Variants in KCNH8 observed in about 807,000 individuals in gnomAD.
The protein encoded by KCNH8 is voltage-gated delayed rectifier potassium channel KCNH8.
KCNH8 carries 70 observed loss-of-function variants against 103.6 expected under a neutral mutation model. The observed-to-expected ratio is 0.68, with a 90% confidence interval of 0.56 to 0.82. The LOEUF (loss-of-function observed/expected upper bound fraction) is 0.82, where lower values mean the gene tolerates loss of function less well. Among genes scored for constraint, KCNH8 ranks in the 40% least tolerant of loss-of-function variants. The pLI is 0.00. For synonymous variants in KCNH8, 498 were observed against 489.4 expected (o/e 1.02, Z -0.23); for missense variants, 1,217 against 1,329.9 (o/e 0.92, Z 1.32).
intron 7 of KCNH8, among the ~76,000 whole-genome samples, chr3:19,404,092 G>T (rs1265523719): frequency 2.6e-5 from 4 of 151,884 alleles, no homozygotes; most frequent in African/African-American, 9.7e-5. Context: ...CAGTTTTATA[G>T]AACTTTAATT....
At chr3:19,295,045 A>T (rs1199069370) in intron 3 of KCNH8, among the ~76,000 whole-genome samples, 1 of 152,084 alleles carries the variant, frequency 6.6e-6, no homozygotes, top group Non-Finnish European at 1.5e-5. Flanking sequence ...ATATTAAAAA[A>T]CTTTTTGCAA....
chr3:19,507,911 T>G (rs980339474), intron 11 of KCNH8, among the ~76,000 whole-genome samples: 1 of 152,182 alleles, frequency 6.6e-6, no homozygotes, highest in African/African-American at 2.4e-5. Flanking sequence ...AAAAGATGGC[T>G]CTTACTATTT....
At chr3:19,231,225 A>G (rs1157906764) in intron 1 of KCNH8, among the ~76,000 whole-genome samples, 1 of 152,142 alleles carries the variant, frequency 6.6e-6, no homozygotes, top group South Asian at 2.1e-4. Context: ...CTATACTTCT[A>G]TGATAACACT....
At chr3:19,470,032 T>C (rs1161593079) in intron 11 of KCNH8, among the ~76,000 whole-genome samples, 1 of 152,136 alleles carries the variant, frequency 6.6e-6, no homozygotes, top group Non-Finnish European at 1.5e-5. Flanking sequence ...CAAAGGAAAG[T>C]AGTTACTTTC....
intron 3 of KCNH8, among the ~76,000 whole-genome samples, chr3:19,289,900 T>G (rs1402285267): frequency 6.6e-6 from 1 of 152,182 alleles, no homozygotes; most frequent in Non-Finnish European, 1.5e-5. Flanking sequence ...CTTCCATTTG[T>G]TTGTATCCTC....
At chr3:19,290,757 CT>C (rs2064908781) in intron 3 of KCNH8, among the ~76,000 whole-genome samples, 1 of 152,160 alleles carries the variant, frequency 6.6e-6, no homozygotes, top group African/African-American at 2.4e-5. Flanking sequence ...TGATGCTGGC[CT>C]CATAAAATGA....
At chr3:19,411,763 CCACACACACACAGACACACACACA>C (rs1352859167) in intron 7 of KCNH8, among the ~76,000 whole-genome samples, 1 of 150,184 alleles carries the variant, frequency 6.7e-6, no homozygotes, top group African/African-American at 2.5e-5. Context: ...TTAACCGTAG[CCACACACACACAGACACACACACA>C]CACACACACA....
At chr3:19,317,950 A>C (rs2065296003) in intron 3 of KCNH8, among the ~76,000 whole-genome samples, 1 of 152,016 alleles carries the variant, frequency 6.6e-6, no homozygotes, top group East Asian at 1.9e-4. Flanking sequence ...AATCCTGTTC[A>C]ACACAGTATT....
intron 5 of KCNH8, among the ~76,000 whole-genome samples, chr3:19,382,504 T>C (rs1049169187): frequency 6.6e-6 from 1 of 152,198 alleles, no homozygotes; most frequent in Admixed American, 6.5e-5. Context: ...TTAACTGTAT[T>C]ACTTTGATGA....
At position 19,240,393 on chromosome 3, in the gene KCNH8, G is replaced by T. The variant is rs192456996; in HGVS notation, c.77-13261G>T. Among the ~76,000 whole-genome samples, 553 of 152,060 alleles carry T rather than the reference G, an allele frequency of 3.6e-3. 2 individuals are homozygous for T. The highest frequency in any genetic ancestry group is 0.01 in the Middle Eastern group (3 of 294). On this transcript the variant is annotated intron_variant, in intron 1 of 15. Coordinates refer to ENST00000328405, the MANE Select transcript of KCNH8 (RefSeq NM_144633.3). ...TTTGGGAGGCCGAGGTGAGCGGATC[G>T]CCTGAGGTCGGGAGTTCAAGAGGAG...
intron 1 of KCNH8, among the ~76,000 whole-genome samples, chr3:19,239,678 C>CTATCTATCTATCTATCTATCTATG (rs1331290383): frequency 2.6e-5 from 4 of 151,600 alleles, no homozygotes; most frequent in Admixed American, 1.3e-4. Flanking sequence ...ATCTATCTAT[C>CTATCTATCTATCTATCTATCTATG]TATCTACCTA....
intron 1 of KCNH8, among the ~76,000 whole-genome samples, chr3:19,211,676 A>G (rs2063772855): frequency 6.6e-6 from 1 of 152,100 alleles, no homozygotes; most frequent in Non-Finnish European, 1.5e-5. Flanking sequence ...TCTTTAACAC[A>G]TAGCCAGCAG....
intron 11 of KCNH8, among the ~76,000 whole-genome samples, chr3:19,486,101 A>G (rs1016354666): frequency 1.3e-5 from 2 of 152,200 alleles, no homozygotes; most frequent in Non-Finnish European, 2.9e-5. Context: ...CATATCCTGC[A>G]CATCTTTCAT....
intron 7 of KCNH8, among the ~76,000 whole-genome samples, chr3:19,411,118 C>T (rs546884348): frequency 6.6e-6 from 1 of 152,078 alleles, no homozygotes; most frequent in Admixed American, 6.5e-5. Context: ...CAATTCTCAA[C>T]AAAATATAGC....
chr3:19,242,841 A>G (rs1321269405), intron 1 of KCNH8, among the ~76,000 whole-genome samples: 1 of 152,208 alleles, frequency 6.6e-6, no homozygotes, highest in Non-Finnish European at 1.5e-5. Flanking sequence ...GAGGTGGATG[A>G]AGTGAACAAG....
chr3:19,192,000 T>C lies in KCNH8; in HGVS notation c.76+43205T>C, dbSNP rs1474219247. On this transcript the variant is annotated intron_variant, in intron 1 of 15. Transcript: ENST00000328405. The stretch of plus-strand genomic sequence containing the variant: ...TTCATATTTCCTTGGGGTAGTAGAT[T>C]GGTATCTCCTTATCAAGTTGATGGT... 2.0e-5 allele frequency among the ~76,000 whole-genome samples: 3 copies of C among 151,630 alleles called. No individual in the cohort carries two copies. In the East Asian group the frequency reaches 5.8e-4, roughly 29 times the overall value.
intron 1 of KCNH8, among the ~76,000 whole-genome samples, chr3:19,225,914 C>T (rs1373416714): frequency 6.6e-6 from 1 of 152,102 alleles, no homozygotes; most frequent in Non-Finnish European, 1.5e-5. Flanking sequence ...GGTATACATG[C>T]CAATGATTTC....
At chr3:19,280,564 T>C (rs1182942411) in intron 2 of KCNH8, among the ~76,000 whole-genome samples, 2 of 152,124 alleles carry the variant, frequency 1.3e-5, no homozygotes, top group East Asian at 3.8e-4. Context: ...ATTAGTGATA[T>C]TCATCTATTT....
At chr3:19,196,399 C>G (rs1298379224) in intron 1 of KCNH8, among the ~76,000 whole-genome samples, 1 of 151,664 alleles carries the variant, frequency 6.6e-6, no homozygotes, top group Non-Finnish European at 1.5e-5. Flanking sequence ...TAGGTATTAT[C>G]ACTTAATGCT....
Sources: allele counts gnomAD v4.1 joint callset (sites outside exome capture counted in the v4.1 genomes callset), GRCh38; gene constraint gnomAD v4.1.1; transcripts MANE v1.5; gene names NCBI Gene and HGNC (gene_info 2026-07-23, HGNC 2026-07-21).